The following YTHDC2 variants were observed in gnomAD, a reference collection of about 807,000 sequenced individuals.
YTHDC2 encodes the protein 3'-5' RNA helicase YTHDC2.
A neutral mutation model predicts 174.9 loss-of-function variants in YTHDC2; 45 were observed. That is an observed-to-expected ratio of 0.26 (90% confidence interval 0.20 to 0.33). The LOEUF (loss-of-function observed/expected upper bound fraction) is 0.33. YTHDC2 is among the 10% of genes least tolerant of loss of function. The pLI is 1.00. For missense variants in YTHDC2, 1,650 were observed against 1,723.7 expected (o/e 0.96, Z 0.76); for synonymous variants, 657 against 574.5 (o/e 1.14, Z -2.05).
intron 2 of YTHDC2, 49 bp downstream of exon 2, chr5:113,515,411 A>AG: frequency 6.8e-7 from 1 of 1,466,430 alleles, no homozygotes; most frequent in Non-Finnish European, 9.4e-7. Context: ...TATTTGCCCA[A>AG]AAAAGGGAGA....
At chr5:113,533,121 A>G (rs1003038811) in intron 5 of YTHDC2, 76 bp downstream of exon 5, 1 of 1,503,498 alleles carries the variant, frequency 6.7e-7, no homozygotes, top group South Asian at 1.3e-5. Flanking sequence ...AAAATAGAGG[A>G]TGTGTTCGTT....
At chr5:113,530,004 A>G (rs917947511) in intron 4 of YTHDC2, among the ~76,000 whole-genome samples, 2 of 152,072 alleles carry the variant, frequency 1.3e-5, no homozygotes, top group Non-Finnish European at 2.9e-5. Flanking sequence ...AGAGTTGATT[A>G]TAGCTCACTG....
At chr5:113,589,291 C>T (rs1778858527) in intron 26 of YTHDC2, among the ~76,000 whole-genome samples, 1 of 150,210 alleles carries the variant, frequency 6.7e-6, no homozygotes, top group Non-Finnish European at 1.5e-5. Flanking sequence ...TTTGTCTGTA[C>T]GTTCACTGAT....
chr5:113,589,408 A>AATATAT (rs34243829), intron 26 of YTHDC2, among the ~76,000 whole-genome samples: 1,968 of 123,064 alleles, frequency 0.016, 27 homozygotes, highest in Middle Eastern at 0.026. Context: ...AAAAAAAAAA[A>AATATAT]ATATATATAT....
chr5:113,542,569 C>A, intron 10 of YTHDC2, 66 bp downstream of exon 10: 1 of 1,454,284 alleles, frequency 6.9e-7, no homozygotes, highest in South Asian at 1.4e-5. Context: ...TAGTTTAATT[C>A]AAAACGTATG....
Position 113,567,179 on chromosome 5 carries a change from C to T in YTHDC2, c.2930C>T (p.Ala977Val). The change falls in exon 22 of 30, where the codon GCA becomes GTA. Residue 977 changes from alanine (A) to valine (V), a missense_variant. By Grantham distance (64) the Ala-to-Val change is moderately conservative. Transcript: ENST00000161863. ...GCTGTCGTTAAAGCTGCATTGGTGG[C>T]AGGCATGTATCCTAATTTAGTCCAC... ...NWAVVKAALV[A>V]GMYPNLVHVD... is the part of the protein sequence containing the mutation. 1 of 1,613,782 alleles carries T rather than the reference C, an allele frequency of 6.2e-7. No individual in the cohort carries two copies. The highest frequency in any genetic ancestry group is 8.5e-7 in the Non-Finnish European group (1 of 1,179,904).
At chr5:113,519,512 G>C (rs1224353355) in intron 2 of YTHDC2, among the ~76,000 whole-genome samples, 13 of 152,150 alleles carry the variant, frequency 8.5e-5, no homozygotes, top group African/African-American at 2.4e-4. Context: ...TCTGTAGAAT[G>C]GGAAAATATG....
At chr5:113,518,837 G>A (rs958299536) in intron 2 of YTHDC2, among the ~76,000 whole-genome samples, 13 of 151,710 alleles carry the variant, frequency 8.6e-5, no homozygotes, top group Admixed American at 7.9e-4. Flanking sequence ...CATTTGTGAT[G>A]GATTTTGTTT....
At position 113,563,561 on chromosome 5, in the gene YTHDC2, T is replaced by C. The variant is rs575500475; in HGVS notation, c.2442+69T>C. ...AAATTTTAAACTAAAAGGAAATATG[T>C]CTTAACTAATTTTGTATAATTATTT... On this transcript the variant is annotated intron_variant, in intron 19 of 29. Transcript: ENST00000161863. 3.7e-5 allele frequency: 54 copies of C among 1,465,032 alleles called. No individual in the cohort carries two copies. The South Asian group carries it at 7.0e-4, about 19-fold the overall frequency. 90.8% of individuals were successfully genotyped at this position (1,465,032 alleles called of 1,614,324 possible).
intron 23 of YTHDC2, among the ~76,000 whole-genome samples, chr5:113,578,573 T>C (rs1190603770): frequency 6.6e-6 from 1 of 152,170 alleles, no homozygotes; most frequent in Non-Finnish European, 1.5e-5. Flanking sequence ...TTGCTGGATA[T>C]TTTTCTAACA....
At chr5:113,543,950 C>T (rs537138845) in intron 10 of YTHDC2, among the ~76,000 whole-genome samples, 13 of 152,256 alleles carry the variant, frequency 8.5e-5, no homozygotes, top group East Asian at 1.9e-4. Context: ...CATTTTCTCA[C>T]GATATTTCCT....
intron 25 of YTHDC2, chr5:113,583,001 A>G (rs558127372): frequency 6.6e-6 from 1 of 152,298 alleles, no homozygotes; most frequent in East Asian, 1.9e-4. Flanking sequence ...CTTGAGCATT[A>G]GTTATTTAGG....
In YTHDC2 at chr5:113,526,692, A is replaced by T. The variant is rs768028415; in HGVS notation, c.582A>T (p.Pro194=). ...SEFDSFRQSL[P]VFEKQEEIVK... ...TTGATTCTTTTAGGCAGTCTTTACCAGTGTTTGAGAAACAGGAAGAAATTG... is the reference window on the plus strand; with the variant it reads ...TTGATTCTTTTAGGCAGTCTTTACCTGTGTTTGAGAAACAGGAAGAAATTG... The change falls in exon 4 of 30, where the codon CCA becomes CCT. Residue 194 remains proline (P), a synonymous_variant. Transcript: ENST00000161863. The T allele has an allele frequency of 6.3e-7, 1 of 1,589,948 alleles. No individual in the cohort carries two copies. The highest frequency in any genetic ancestry group is 1.1e-5 in the South Asian group (1 of 87,558).
chr5:113,590,966 A>G, intron 26 of YTHDC2, 75 bp from the exon 27 acceptor site: 1 of 1,244,974 alleles, frequency 8.0e-7, no homozygotes, highest in Non-Finnish European at 1.1e-6. Flanking sequence ...TATGTTTATG[A>G]AGATGTTATT....
At chr5:113,589,353 AG>A (rs1778864021) in intron 26 of YTHDC2, among the ~76,000 whole-genome samples, 1 of 147,692 alleles carries the variant, frequency 6.8e-6, no homozygotes, top group South Asian at 2.1e-4. Context: ...GTGTTTTTAA[AG>A]GCAGTATTTT....
At chr5:113,527,293 A>G (rs981574844) in intron 4 of YTHDC2, among the ~76,000 whole-genome samples, 4 of 152,214 alleles carry the variant, frequency 2.6e-5, no homozygotes, top group African/African-American at 9.7e-5. Context: ...ACAAATATTA[A>G]TATAAAGTTG....
chr5:113,547,796 G>C (rs961708199), intron 10 of YTHDC2, among the ~76,000 whole-genome samples: 1 of 152,144 alleles, frequency 6.6e-6, no homozygotes, highest in Non-Finnish European at 1.5e-5. Context: ...TATACATACT[G>C]TATATGAAAG....
At chr5:113,566,139 A>G in intron 21 of YTHDC2, 120 bp downstream of exon 21, 1 of 1,153,660 alleles carries the variant, frequency 8.7e-7, no homozygotes, top group Non-Finnish European at 1.2e-6. Context: ...CATGTTGTGT[A>G]TCTTATATTC....
chr5:113,541,821 A>G (rs1382017047), intron 9 of YTHDC2, among the ~76,000 whole-genome samples: 1 of 152,054 alleles, frequency 6.6e-6, no homozygotes, highest in Non-Finnish European at 1.5e-5. Flanking sequence ...TGTTTATAGG[A>G]TTATAACACA....
Sources: gnomAD v4.1 joint callset for allele counts (sites outside exome capture counted in the v4.1 genomes callset) on GRCh38, gnomAD v4.1.1 for gene constraint, MANE v1.5 for transcripts, NCBI Gene and HGNC (gene_info 2026-07-23, HGNC 2026-07-21) for gene names.